The following GRM5 variants were observed in gnomAD, a reference collection of about 807,000 sequenced individuals.
GRM5 encodes glutamate metabotropic receptor 5, also known as metabotropic glutamate receptor 5.
GRM5 carries 19 observed loss-of-function variants against 83.1 expected under a neutral mutation model. The ratio of observed to expected loss-of-function variants is 0.23; its 90% CI spans 0.16 to 0.34. GRM5 has a LOEUF of 0.34. GRM5 is among the 10% of genes least tolerant of loss of function. The probability of loss-of-function intolerance (pLI) is 1.00; values close to 1 mark genes in which losing one functional copy is unlikely to be tolerated. For missense variants in GRM5, 1,160 were observed against 1,588.3 expected, an observed-to-expected ratio of 0.73 and a Z score of 4.58; for synonymous variants, 675 against 633.6, an observed-to-expected ratio of 1.07 and a Z score of -0.98.
At chr11:88,906,435 T>G (rs1490641418) in intron 2 of GRM5, among the ~76,000 whole-genome samples, 2 of 152,150 alleles carry the variant, frequency 1.3e-5, no homozygotes, top group Non-Finnish European at 2.9e-5. Context: ...CTTAAATATT[T>G]GTACCATTGT....
At chr11:88,773,647 T>A (rs2135452734) in intron 3 of GRM5, among the ~76,000 whole-genome samples, 1 of 152,216 alleles carries the variant, frequency 6.6e-6, no homozygotes, top group East Asian at 1.9e-4. Context: ...AAGGAAGGGA[T>A]CCAGTTTCAG....
At chr11:88,529,069 A>G (rs1941947627) in intron 8 of GRM5, among the ~76,000 whole-genome samples, 1 of 152,080 alleles carries the variant, frequency 6.6e-6, no homozygotes, top group African/African-American at 2.4e-5. Flanking sequence ...TAGCAGAGTT[A>G]TCAAGTACAG....
chr11:88,579,936 A>G (rs1943189253), intron 7 of GRM5, among the ~76,000 whole-genome samples: 2 of 152,204 alleles, frequency 1.3e-5, no homozygotes, highest in Admixed American at 1.3e-4. Flanking sequence ...CAGAAGAAAG[A>G]TGATTAATGA....
At chr11:88,997,789 C>G (rs1255312102) in intron 2 of GRM5, among the ~76,000 whole-genome samples, 2 of 152,060 alleles carry the variant, frequency 1.3e-5, no homozygotes, top group African/African-American at 2.4e-5. Context: ...CATCCTATAA[C>G]TATTAATAAC....
intron 3 of GRM5, among the ~76,000 whole-genome samples, chr11:88,833,339 C>T (rs917076642): frequency 6.6e-6 from 1 of 151,918 alleles, no homozygotes; most frequent in Non-Finnish European, 1.5e-5. Flanking sequence ...CATGAACAGA[C>T]ATTTCTCAAA....
intron 3 of GRM5, among the ~76,000 whole-genome samples, chr11:88,684,695 G>A (rs1291416672): frequency 6.6e-6 from 1 of 152,152 alleles, no homozygotes; most frequent in African/African-American, 2.4e-5. Flanking sequence ...GGAGAGACCT[G>A]GTGGGAGATA....
At chr11:88,658,700 A>G (rs1488539502) in intron 3 of GRM5, among the ~76,000 whole-genome samples, 1 of 152,190 alleles carries the variant, frequency 6.6e-6, no homozygotes, top group Non-Finnish European at 1.5e-5. Flanking sequence ...TTTGAAAAGT[A>G]TGGATAATAG....
At chr11:88,900,994 A>T (rs1945305268) in intron 2 of GRM5, among the ~76,000 whole-genome samples, 1 of 152,196 alleles carries the variant, frequency 6.6e-6, no homozygotes, top group African/African-American at 2.4e-5. Context: ...TGTTAAAGGT[A>T]AAGCAGGTCC....
intron 4 of GRM5, among the ~76,000 whole-genome samples, chr11:88,631,226 T>C (rs1284123026): frequency 6.6e-6 from 1 of 152,194 alleles, no homozygotes; most frequent in Non-Finnish European, 1.5e-5. Context: ...GCACCTGTTA[T>C]AAAACAGGTA....
rs1360155849 is a variant in GRM5, at chr11:88,509,449, G to A, written c.2782C>T (p.His928Tyr). 1 of 1,612,316 alleles carries A rather than the reference G, an allele frequency of 6.2e-7. No homozygotes were observed. Among genetic ancestry groups the A allele is most frequent in the Non-Finnish European group, 8.5e-7 (1 of 1,179,620 alleles). The change falls in exon 10 of 10, where the codon CAC becomes TAC. Residue 928 changes from histidine to tyrosine, a missense_variant. His to Tyr is a moderately conservative substitution (Grantham distance 83, BLOSUM62 2). This residue lies in a region of GRM5 where 562 missense variants were observed against 532.4 expected (regional missense o/e 1.06). Transcript: ENST00000305447. The stretch of plus-strand genomic sequence containing the variant: ...TGGATGGACAGGCGCTGCCACAGGT[G>A]CTGCCCCCGGCTGCTCTTCTCATTC... ...AQNEKSSRGQ[H>Y]LWQRLSIHIN... is the part of the protein sequence containing the mutation.
chr11:88,934,948 G>T (rs1410062519), intron 2 of GRM5, among the ~76,000 whole-genome samples: 1 of 151,880 alleles, frequency 6.6e-6, no homozygotes, highest in Non-Finnish European at 1.5e-5. Flanking sequence ...GAAGCAACAG[G>T]AAAGGGCAAA....
chr11:88,609,524 T>A (rs902140632), intron 4 of GRM5, among the ~76,000 whole-genome samples: 1 of 152,176 alleles, frequency 6.6e-6, no homozygotes, highest in Non-Finnish European at 1.5e-5. Flanking sequence ...TTCTCTTGGG[T>A]ATACACTCAG....
At chr11:88,867,898 T>A (rs1456879137) in intron 2 of GRM5, among the ~76,000 whole-genome samples, 1 of 151,900 alleles carries the variant, frequency 6.6e-6, no homozygotes, top group Non-Finnish European at 1.5e-5. Flanking sequence ...TCAAGCTAAC[T>A]AATATAGTCC....
chr11:88,609,500 TA>T (rs1938258709), intron 4 of GRM5, among the ~76,000 whole-genome samples: 1 of 152,200 alleles, frequency 6.6e-6, no homozygotes, highest in Non-Finnish European at 1.5e-5. Context: ...GTCTTTTTCG[TA>T]GAATGAGTGC....
chr11:88,897,278 T>A (rs1945241667), intron 2 of GRM5, among the ~76,000 whole-genome samples: 1 of 151,898 alleles, frequency 6.6e-6, no homozygotes, highest in African/African-American at 2.4e-5. Flanking sequence ...ATATAAATAT[T>A]CATAGGGTTC....
At chr11:88,746,551 G>A (rs892489756) in intron 3 of GRM5, among the ~76,000 whole-genome samples, 3 of 136,950 alleles carry the variant, frequency 2.2e-5, no homozygotes, top group African/African-American at 8.1e-5. Flanking sequence ...ATTCAATTTG[G>A]CCTCAATGAT....
At chr11:88,746,749 A>G (rs1343784765) in intron 3 of GRM5, among the ~76,000 whole-genome samples, 2 of 152,190 alleles carry the variant, frequency 1.3e-5, no homozygotes, top group African/African-American at 4.8e-5. Context: ...TATTTTCTAT[A>G]TATTCACACA....
intron 1 of GRM5, among the ~76,000 whole-genome samples, chr11:89,058,912 TTTTA>T (rs147783669): frequency 0.05 from 7,621 of 152,244 alleles, 320 homozygotes; most frequent in African/African-American, 0.11. Context: ...TGATTTTTCA[TTTTA>T]TTTATTTTTA....
intron 3 of GRM5, among the ~76,000 whole-genome samples, chr11:88,827,411 T>C (rs555201710): frequency 6.6e-6 from 1 of 152,230 alleles, no homozygotes; most frequent in Non-Finnish European, 1.5e-5. Context: ...TGGAGATTTC[T>C]AGATCTTTTA....
Sources: gnomAD v4.1 joint callset for allele counts (sites outside exome capture counted in the v4.1 genomes callset) on GRCh38, gnomAD v4.1.1 for gene constraint, gnomAD v4.1.1 regional missense constraint, MANE v1.5 for transcripts, NCBI Gene and HGNC (gene_info 2026-07-23, HGNC 2026-07-21) for gene names.